Variants in LILRB3 observed in about 807,000 individuals in gnomAD.
The protein encoded by LILRB3 is leukocyte immunoglobulin like receptor B3, also known as leukocyte immunoglobulin-like receptor subfamily B member 3.
A neutral mutation model predicts 68.2 loss-of-function variants in LILRB3; 32 were observed. The observed-to-expected ratio is 0.47, with a 90% confidence interval of 0.35 to 0.63. The LOEUF is 0.63. Among genes scored for constraint, LILRB3 ranks in the 30% least tolerant of loss-of-function variants. LILRB3 has a pLI of 0.00. For missense variants in LILRB3, 502 were observed against 791.3 expected, an observed-to-expected ratio of 0.63 and a Z score of 4.39; for synonymous variants, 185 against 323.1, an observed-to-expected ratio of 0.57 and a Z score of 4.58.
intron 7 of LILRB3, chr19:54,219,820 C>G (rs753707723): frequency 1.4e-4 from 215 of 1,532,074 alleles, no homozygotes; most frequent in Non-Finnish European, 1.5e-4. Flanking sequence ...GAACCCACCC[C>G]TGCCTCCCCT....
chr19:54,218,495 G>A, intron 10 of LILRB3, 82 bp from the exon 11 acceptor site: 1 of 1,605,470 alleles, frequency 6.2e-7, no homozygotes, highest in Admixed American at 1.7e-5. Flanking sequence ...GCTCCCAGAT[G>A]GGGCCACCGA....
Position 54,221,068 on chromosome 19 carries a change from C to G in LILRB3, c.955+15G>C. 1 of 1,364,988 alleles carries G rather than the reference C, an allele frequency of 7.3e-7. No individual in the cohort carries two copies. The highest frequency in any genetic ancestry group is 1.2e-5 in the South Asian group (1 of 80,798). The allele number at this position is 1,364,988 out of a possible 1,614,324, so 84.6% of individuals were successfully genotyped here. Reference sequence around the variant, plus strand: ...CAGAGCCTGGGTCCCTGACTGAACCCGCTGGGCTCCTCACCTGTGATCAGG... The same window carrying G: ...CAGAGCCTGGGTCCCTGACTGAACCGGCTGGGCTCCTCACCTGTGATCAGG... On this transcript the variant is annotated intron_variant, in intron 5 of 12. Coordinates refer to ENST00000445347, the Ensembl canonical transcript of LILRB3.
chr19:54,219,196 G>A (rs141100247), exon 8 of LILRB3: 7 of 1,604,208 alleles, frequency 4.4e-6, no homozygotes, highest in Non-Finnish European at 6.0e-6. Context: ...AGAGCAGCAG[G>A]ACGAAGGCCA....
At chr19:54,218,650 T>C in exon 10 of LILRB3, 1 of 1,614,034 alleles carries the variant, frequency 6.2e-7, no homozygotes, top group Non-Finnish European at 8.5e-7. Flanking sequence ...CTTACAGAGG[T>C]TTTCTTCCTG....
At chr19:54,217,408 C>T in exon 12 of LILRB3, 1 of 1,607,628 alleles carries the variant, frequency 6.2e-7, no homozygotes, top group South Asian at 1.1e-5. Flanking sequence ...GAGGCCATTT[C>T]TCTCCTAGGA....
At chr19:54,219,282 T>C (rs2077829157) in intron 7 of LILRB3, 37 bp from the exon 8 acceptor site, 2 of 1,520,090 alleles carry the variant, frequency 1.3e-6, no homozygotes, top group African/African-American at 2.8e-5. Context: ...AATGATGTCA[T>C]TGATGTGAGC....
At chr19:54,217,584 A>C (rs902562007) in intron 11 of LILRB3, 110 bp from the exon 12 acceptor site, 22 of 1,383,254 alleles carry the variant, frequency 1.6e-5, no homozygotes, top group Non-Finnish European at 2.1e-5. Flanking sequence ...TTCCTGATGG[A>C]ATCTCAGGGA....
intron 8 of LILRB3, 111 bp downstream of exon 8, chr19:54,219,018 G>A (rs1387727282): frequency 6.6e-7 from 1 of 1,522,778 alleles, no homozygotes; most frequent in East Asian, 2.3e-5. Flanking sequence ...GAAATTACGT[G>A]CCCCTGGAAC....
chr19:54,219,591 C>A (rs186913794), intron 7 of LILRB3: 9 of 1,545,352 alleles, frequency 5.8e-6, no homozygotes, highest in Non-Finnish European at 7.9e-6. Flanking sequence ...CCCAGGTCAC[C>A]GTCACTGCTG....
chr19:54,219,162 G>C (rs1435566039), exon 8 of LILRB3: 5 of 1,599,098 alleles, frequency 3.1e-6, no homozygotes, highest in Non-Finnish European at 4.3e-6. Flanking sequence ...CGCTGACGGA[G>C]GAGGAGGAGG....
exon 13 of LILRB3, chr19:54,216,557 G>C (rs780342509): frequency 2.3e-6 from 2 of 866,146 alleles, no homozygotes; most frequent in Non-Finnish European, 2.8e-6. Context: ...TGATCCGCCC[G>C]CATCAGCCTC....
chr19:54,218,438 G>C (rs775229491), intron 10 of LILRB3, 25 bp from the exon 11 acceptor site: 6 of 1,613,744 alleles, frequency 3.7e-6, no homozygotes, highest in Non-Finnish European at 5.1e-6. Flanking sequence ...CAAGGGGTTC[G>C]TCTCCTGGTT....
chr19:54,216,639 T>C (rs1240154984), exon 13 of LILRB3: 6 of 1,017,534 alleles, frequency 5.9e-6, no homozygotes, highest in Admixed American at 5.1e-5. Flanking sequence ...TCCCATGTCA[T>C]AAGTTCGATG....
exon 9 of LILRB3, chr19:54,218,779 T>C: frequency 6.2e-7 from 1 of 1,614,160 alleles, no homozygotes; most frequent in Non-Finnish European, 8.5e-7. Flanking sequence ...AGCAGGCCCC[T>C]GTCCTTGGGC....
chr19:54,216,589 C>T (rs188591320), exon 13 of LILRB3: 34 of 1,004,934 alleles, frequency 3.4e-5, no homozygotes, highest in Admixed American at 1.0e-4. Context: ...AGATTATAGG[C>T]GTGAGCCACC....
rs888051877 is a variant in LILRB3, at chr19:54,217,977, G to C, written c.1593+384C>G. Among the ~76,000 whole-genome samples, 19 of 148,178 alleles carry C rather than the reference G, an allele frequency of 1.3e-4. 1 individual carries two copies. Among genetic ancestry groups the C allele is most frequent in the East Asian group, 1.9e-4 (1 of 5,164 alleles). On this transcript the variant is annotated intron_variant, in intron 11 of 12. Transcript: ENST00000445347. ...GAGCTCAGGAGGCGGGGGCGGCTTT[G>C]CTCCCTGCTGTGTCTGCAGCTCCCA...
At chr19:54,219,840 C>T (rs944586017) in intron 7 of LILRB3, 3 of 1,544,252 alleles carry the variant, frequency 1.9e-6, no homozygotes, top group Non-Finnish European at 1.8e-6. Context: ...TGGACCCCGC[C>T]CATCTCCCAC....
At chr19:54,219,073 C>G in intron 8 of LILRB3, 56 bp downstream of exon 8, 1 of 1,546,614 alleles carries the variant, frequency 6.5e-7, no homozygotes, top group Non-Finnish European at 8.7e-7. Flanking sequence ...TTCCCTCTGG[C>G]TGGTGCCCTG....
exon 11 of LILRB3, chr19:54,218,398 T>G: frequency 6.2e-7 from 1 of 1,614,190 alleles, no homozygotes; most frequent in Non-Finnish European, 8.5e-7. Context: ...AGACTGTGTG[T>G]CCTTCACAGC....
Sources: gnomAD v4.1 joint callset for allele counts (sites outside exome capture counted in the v4.1 genomes callset) on GRCh38, gnomAD v4.1.1 for gene constraint, MANE v1.5 for transcripts, NCBI Gene and HGNC (gene_info 2026-07-23, HGNC 2026-07-21) for gene names.